Variants in CFAP46 observed in about 807,000 individuals in gnomAD.
CFAP46 encodes cilia and flagella associated protein 46.
Under a neutral mutation model 325.7 loss-of-function variants are expected in CFAP46, and 245 were observed. That is an observed-to-expected ratio of 0.75 (90% CI 0.68 to 0.84). The LOEUF (loss-of-function observed/expected upper bound fraction) is 0.84. Ranked by LOEUF, CFAP46 falls within the 40% of genes least tolerant of loss-of-function variation. The pLI, the probability that CFAP46 is intolerant of heterozygous loss-of-function variation, is 0.00. For missense variants in CFAP46, 3,346 were observed against 3,543.0 expected (o/e 0.94, Z 1.41); for synonymous variants, 1,523 against 1,495.9 (o/e 1.02, Z -0.42).
At chr10:132,826,302 G>C (rs1235370689) in intron 50 of CFAP46, among the ~76,000 whole-genome samples, 1 of 142,226 alleles carries the variant, frequency 7.0e-6, no homozygotes. Context: ...ACCCACCACA[G>C]AGCCAGGCAG....
Position 132,846,185 on chromosome 10 carries a change from C to T in CFAP46, c.6310G>A (p.Ala2104Thr). 1 of 1,612,034 alleles carries T rather than the reference C, an allele frequency of 6.2e-7. No homozygotes were observed. The highest frequency in any genetic ancestry group is 8.5e-7 in the Non-Finnish European group (1 of 1,179,646). Reference sequence around the variant, plus strand: ...TGTGAGCTGCTGGTGTTGGCTGTGGCTGCAAGCAGGACATCCCTCATCGTC... The same window carrying T: ...TGTGAGCTGCTGGTGTTGGCTGTGGTTGCAAGCAGGACATCCCTCATCGTC... The part of the protein sequence containing the change: ...SETMRDVLLA[A>T]TANTSSSQLA... Residue 2104 changes from alanine (A) to threonine (T), a missense_variant, in exon 44 of 58, where the codon GCC becomes ACC. Transcript: ENST00000368586.
chr10:132,920,240 G>A (rs1849702626), intron 13 of CFAP46, 58 bp from the exon 14 acceptor site: 2 of 1,469,932 alleles, frequency 1.4e-6, no homozygotes, highest in East Asian at 2.6e-5. Flanking sequence ...CCGGGGACGT[G>A]CCCATCAGTA....
At chr10:132,879,354 C>T (rs1591068131) in intron 29 of CFAP46, 72 bp downstream of exon 29, 3 of 1,382,794 alleles carry the variant, frequency 2.2e-6, no homozygotes, top group Non-Finnish European at 2.9e-6. Flanking sequence ...ACAACGCTCA[C>T]TGCGGTTTCC....
At chr10:132,856,180 A>G (rs12766134) in intron 39 of CFAP46, among the ~76,000 whole-genome samples, 69,143 of 152,146 alleles carry the variant, frequency 0.45, 15,974 homozygotes, top group Admixed American at 0.57. Context: ...CTGCTTCTGC[A>G]GGAAGCTGCG....
rs1349665992 is a variant in CFAP46 at position 132,859,228 on chromosome 10, T to C, written c.5218A>G (p.Arg1740Gly). 85 of 1,549,274 alleles carry C rather than the reference T, an allele frequency of 5.5e-5. No individual in the cohort carries two copies. Among genetic ancestry groups the C allele is most frequent in the Non-Finnish European group, 7.3e-5 (84 of 1,146,768 alleles). The change falls in exon 38 of 58, where the codon AGA becomes GGA. Residue 1740 changes from arginine (R) to glycine (G), a missense_variant. Physicochemically the swap from Arg to Gly is moderately radical, Grantham distance 125. Coordinates refer to ENST00000368586, the MANE Select transcript of CFAP46 (RefSeq NM_001200049.3). ...GTGACCGCTGAGTGCTGCGCAACTCTGACCCGCAGGCTCAGGCACCTGACG... is the reference window on the plus strand; with the variant it reads ...GTGACCGCTGAGTGCTGCGCAACTCCGACCCGCAGGCTCAGGCACCTGACG... ...LEARCLSLRV[R>G]VAQHSAVTEP...
chr10:132,848,907 G>A (rs1420271371), intron 41 of CFAP46, among the ~76,000 whole-genome samples: 1 of 152,120 alleles, frequency 6.6e-6, no homozygotes, highest in African/African-American at 2.4e-5. Context: ...TCGATCCTAC[G>A]TATCAAAACT....
chr10:132,941,703 C>T lies in CFAP46; in HGVS notation c.194G>A (p.Ser65Asn). The T allele has an allele frequency of 6.2e-7, 1 of 1,614,010 alleles. No individual in the cohort carries two copies. The highest frequency in any genetic ancestry group is 8.5e-7 in the Non-Finnish European group (1 of 1,180,020). Residue 65 changes from serine (S) to asparagine (N), a missense_variant, in exon 3 of 58, where the codon AGC becomes AAC. Physicochemically the swap from Ser to Asn is conservative, Grantham distance 46. Coordinates refer to ENST00000368586, the MANE Select transcript of CFAP46 (RefSeq NM_001200049.3). Reference protein sequence around the residue: ...QALKMRQPEVSEDCIQMYFKV... With the variant: ...QALKMRQPEVNEDCIQMYFKV... ...GAAGTACATTTGGATGCAGTCCTCG[C>T]TCACCTCTGGCTGCCTCATCTGCAA...
intron 22 of CFAP46, among the ~76,000 whole-genome samples, chr10:132,902,218 C>T (rs1849400577): frequency 6.6e-6 from 1 of 152,204 alleles, no homozygotes; most frequent in African/African-American, 2.4e-5. Context: ...CTCTGTCCTC[C>T]TGAGACTCCA....
intron 44 of CFAP46, among the ~76,000 whole-genome samples, chr10:132,841,282 C>T (rs1167030112): frequency 1.3e-5 from 2 of 152,352 alleles, no homozygotes; most frequent in Non-Finnish European, 2.9e-5. Flanking sequence ...CACTTGAAAA[C>T]GGGAATAGGC....
intron 17 of CFAP46, among the ~76,000 whole-genome samples, chr10:132,915,369 G>C (rs1325982018): frequency 2.6e-5 from 4 of 152,254 alleles, no homozygotes; most frequent in Non-Finnish European, 5.9e-5. Context: ...TCCTCACAGA[G>C]CCCGGAGCTG....
chr10:132,887,215 C>T lies in CFAP46; in HGVS notation c.3305-1256G>A, dbSNP rs1218543607. Among the ~76,000 whole-genome samples the T allele has an allele frequency of 8.2e-4, 53 of 64,514 alleles. 1 individual carries two copies. Among genetic ancestry groups the T allele is most frequent in the South Asian group, 1.6e-3 (3 of 1,880 alleles). The allele number at this position is 64,514 out of a possible 152,430, so 42.3% of individuals were successfully genotyped here. A position where few individuals can be genotyped will look rare whatever the true frequency, so the allele number is the denominator to read the frequency against. On this transcript the variant is annotated intron_variant, in intron 25 of 57. Coordinates refer to ENST00000368586, the MANE Select transcript of CFAP46 (RefSeq NM_001200049.3). ...CTCCTCTCTCCTCTTCTTTCCTCTC[C>T]CCTCTTCTCTCTCTCCTCTCCCCTC... is the stretch of plus-strand genomic sequence containing the variant.
At chr10:132,888,904 G>T (rs1057367156) in intron 25 of CFAP46, among the ~76,000 whole-genome samples, 1 of 150,818 alleles carries the variant, frequency 6.6e-6, no homozygotes, top group African/African-American at 2.4e-5. Flanking sequence ...CACCCCTGCC[G>T]CCTGCACCTG....
At chr10:132,908,772 C>T in intron 21 of CFAP46, 138 bp from the exon 22 acceptor site, 1 of 1,131,642 alleles carries the variant, frequency 8.8e-7, no homozygotes, top group Admixed American at 2.9e-5. Context: ...GCCACAAAAG[C>T]TGAGCTGCCA....
At chr10:132,866,768 T>C (rs1848819883) in intron 34 of CFAP46, among the ~76,000 whole-genome samples, 1 of 152,220 alleles carries the variant, frequency 6.6e-6, no homozygotes, top group Non-Finnish European at 1.5e-5. Flanking sequence ...AAGCATGGCC[T>C]TTGCCCCTCC....
rs1847511694 is a variant in CFAP46, at chr10:132,808,638, C to A, written c.7931G>T (p.Gly2644Val). 6.2e-7 allele frequency: 1 copy of A among 1,605,286 alleles called. No homozygotes were observed. The highest frequency in any genetic ancestry group is 1.3e-5 in the African/African-American group (1 of 74,678). Residue 2644 changes from glycine (G) to valine (V), a missense_variant, in exon 58 of 58, where the codon GGT (glycine) becomes GTT (valine). Transcript: ENST00000368586. This position sits in a 1 kb window ranked among gnomAD's most constrained non-coding sequence, Gnocchi z 6.8. ...LPFLGLSPAL[G>V]AASARDPPPA... ...GGGAGGGTCCCTGGCTGAGGCTGCA[C>A]CAAGGGCTGGGGAGAGGCCCAGGAA...
intron 35 of CFAP46, among the ~76,000 whole-genome samples, chr10:132,865,794 G>A (rs148615551): frequency 1.3e-5 from 2 of 152,366 alleles, no homozygotes; most frequent in African/African-American, 4.8e-5. Context: ...GAGACCAACA[G>A]CAGGTACTGG....
rs1849492209 is a variant in CFAP46, at chr10:132,908,512, G to A, written c.2880C>T (p.His960=). Residue 960 remains histidine (H), a synonymous_variant, in exon 22 of 58, where the codon CAC becomes CAT. Coordinates refer to ENST00000368586, the MANE Select transcript of CFAP46 (RefSeq NM_001200049.3). ...RDHETTMACA[H]RALEMGIKYL... ...ACTTGATGCCCATCTCCAGAGCCCT[G>A]TGAGCACAGGCCATGGTGGTCTCAT... The A allele has an allele frequency of 6.4e-7, 1 of 1,550,598 alleles. No individual in the cohort carries two copies. The highest frequency in any genetic ancestry group is 8.7e-7 in the Non-Finnish European group (1 of 1,146,998).
chr10:132,881,249 A>T (rs935468043), intron 27 of CFAP46, among the ~76,000 whole-genome samples: 2 of 152,154 alleles, frequency 1.3e-5, no homozygotes, highest in African/African-American at 4.8e-5. Flanking sequence ...AGAGGTGGGA[A>T]GGCTGCAGCT....
In CFAP46 at chr10:132,832,471, C is replaced by T. The variant is rs1010784256; in HGVS notation, c.7117+887G>A. 10 of 190,860 alleles carry T rather than the reference C, an allele frequency of 5.2e-5. No individual in the cohort carries two copies. The East Asian group carries it at 1.0e-3, about 20-fold the overall frequency. The allele number at this position is 190,860 out of a possible 1,614,324, so 11.8% of individuals were successfully genotyped here. A position where few individuals can be genotyped will look rare whatever the true frequency, so the allele number is the denominator to read the frequency against. ...CCATGGCGCTCGCCAGCCAAACCCC[C>T]TTCGAGGCCCCCCGTCCTGCGCGGA... is the stretch of plus-strand genomic sequence containing the variant. On this transcript the variant is annotated intron_variant, in intron 50 of 57. Transcript: ENST00000368586. The surrounding 1 kb of genome is among the most constrained non-coding windows in gnomAD (Gnocchi z 4.1).
Sources: gnomAD v4.1 joint callset for allele counts (sites outside exome capture counted in the v4.1 genomes callset) on GRCh38, gnomAD v4.1.1 for gene constraint, Gnocchi (gnomAD v3.1) non-coding constraint, MANE v1.5 for transcripts, NCBI Gene and HGNC (gene_info 2026-07-23, HGNC 2026-07-21) for gene names.